Variants in CDH6 observed in about 807,000 individuals in gnomAD.
CDH6 encodes cadherin-6.
In CDH6, 31 loss-of-function variants were observed where a neutral mutation model predicts 78.0. The observed-to-expected ratio is 0.40, with a 90% CI of 0.30 to 0.54. The LOEUF is 0.54. Among genes scored for constraint, CDH6 ranks in the 20% least tolerant of loss-of-function variants. The pLI is 0.56. For synonymous variants in CDH6, 376 were observed against 368.8 expected (o/e 1.02, Z -0.23); for missense variants, 724 against 975.9 (o/e 0.74, Z 3.44).
intron 1 of CDH6, among the ~76,000 whole-genome samples, chr5:31,194,664 G>A (rs1294449060): frequency 6.6e-6 from 1 of 152,140 alleles, no homozygotes; most frequent in Non-Finnish European, 1.5e-5. Flanking sequence ...CGGCTGGCCA[G>A]GCTCAAATCT....
intron 1 of CDH6, among the ~76,000 whole-genome samples, chr5:31,257,155 T>G (rs1332864728): frequency 6.6e-6 from 1 of 152,120 alleles, no homozygotes; most frequent in Non-Finnish European, 1.5e-5. Flanking sequence ...TGTGAAGTAT[T>G]CGCATGTTTG....
intron 1 of CDH6, among the ~76,000 whole-genome samples, chr5:31,222,371 A>C (rs1323722322): frequency 2.6e-5 from 4 of 152,212 alleles, no homozygotes; most frequent in Admixed American, 1.3e-4. Context: ...AAAGTGAATT[A>C]GATATAAGTA....
At chr5:31,225,285 G>A (rs1334383038) in intron 1 of CDH6, among the ~76,000 whole-genome samples, 1 of 152,190 alleles carries the variant, frequency 6.6e-6, no homozygotes, top group African/African-American at 2.4e-5. Context: ...TCAACGCAGA[G>A]GGCTGACATC....
At chr5:31,277,601 A>G (rs942064884) in intron 2 of CDH6, among the ~76,000 whole-genome samples, 4 of 152,210 alleles carry the variant, frequency 2.6e-5, no homozygotes, top group Non-Finnish European at 5.9e-5. Context: ...GACCTTAAAT[A>G]TATTGAGCAG....
intron 1 of CDH6, among the ~76,000 whole-genome samples, chr5:31,215,932 C>T (rs913577561): frequency 6.6e-6 from 1 of 152,050 alleles, no homozygotes; most frequent in Non-Finnish European, 1.5e-5. Context: ...CCTGTGTTTC[C>T]TGATAATGAC....
chr5:31,312,388 G>C (rs758371308), intron 7 of CDH6, among the ~76,000 whole-genome samples: 1 of 152,176 alleles, frequency 6.6e-6, no homozygotes, highest in Non-Finnish European at 1.5e-5. Context: ...GATTTAGATT[G>C]TGGCATTCCC....
chr5:31,228,197 T>C (rs931615433), intron 1 of CDH6, among the ~76,000 whole-genome samples: 1 of 152,194 alleles, frequency 6.6e-6, no homozygotes, highest in Admixed American at 6.5e-5. Flanking sequence ...CCTCCCTCTT[T>C]TAAGGTCTAA....
intron 2 of CDH6, among the ~76,000 whole-genome samples, chr5:31,291,715 C>T (rs1370898866): frequency 6.6e-6 from 1 of 152,190 alleles, no homozygotes; most frequent in Non-Finnish European, 1.5e-5. Context: ...TTTTAAGAGC[C>T]TCTTCAGTCA....
At chr5:31,214,726 T>G (rs1412549790) in intron 1 of CDH6, among the ~76,000 whole-genome samples, 1 of 152,206 alleles carries the variant, frequency 6.6e-6, no homozygotes. Flanking sequence ...GATAAAGTTT[T>G]GGAACCTCAT....
chr5:31,268,758 C>T (rs1227576769), intron 2 of CDH6, among the ~76,000 whole-genome samples: 1 of 152,178 alleles, frequency 6.6e-6, no homozygotes, highest in Non-Finnish European at 1.5e-5. Flanking sequence ...TGCATGTTCA[C>T]ACTTCAATCT....
intron 1 of CDH6, among the ~76,000 whole-genome samples, chr5:31,204,949 C>T (rs572254124): frequency 6.6e-6 from 1 of 152,276 alleles, no homozygotes; most frequent in East Asian, 1.9e-4. Flanking sequence ...TGATATTCAG[C>T]CAAGACTTTT....
intron 1 of CDH6, among the ~76,000 whole-genome samples, chr5:31,238,350 T>C (rs1399996049): frequency 6.6e-6 from 1 of 152,164 alleles, no homozygotes; most frequent in African/African-American, 2.4e-5. Context: ...AAAGTATATT[T>C]TACTATTTCA....
In CDH6 at chr5:31,294,943, C is replaced by T. The variant is rs899869551; in HGVS notation, c.523+687C>T. Among the ~76,000 whole-genome samples, 1 of 152,112 alleles carries T rather than the reference C, an allele frequency of 6.6e-6. No homozygotes were observed. Among genetic ancestry groups the T allele is most frequent in the African/African-American group, 2.4e-5 (1 of 41,416 alleles). On this transcript the variant is annotated intron_variant, in intron 3 of 11. Coordinates refer to ENST00000265071, the MANE Select transcript of CDH6 (RefSeq NM_004932.4). This position sits in a 1 kb window ranked among gnomAD's most constrained non-coding sequence, Gnocchi z 4.1. ...AGAATTCTACTGACATCACTCTTAG[C>T]CACATTGAAATACTTCATGGGAGAC...
intron 1 of CDH6, among the ~76,000 whole-genome samples, chr5:31,239,377 G>C (rs1311050769): frequency 6.6e-6 from 1 of 152,190 alleles, no homozygotes; most frequent in East Asian, 1.9e-4. Context: ...ATAATGAAAA[G>C]TGGTTTAGTT....
intron 1 of CDH6, among the ~76,000 whole-genome samples, chr5:31,230,985 A>ATT (rs1393434204): frequency 6.6e-6 from 1 of 152,188 alleles, no homozygotes; most frequent in Middle Eastern, 3.2e-3. Context: ...AGGAAACACA[A>ATT]TATGCTCTTT....
At chr5:31,287,136 G>A (rs1177827756) in intron 2 of CDH6, among the ~76,000 whole-genome samples, 2 of 152,226 alleles carry the variant, frequency 1.3e-5, no homozygotes, top group East Asian at 1.9e-4. Context: ...AGGCACTGAT[G>A]GTACAGAGAT....
intron 1 of CDH6, among the ~76,000 whole-genome samples, chr5:31,236,979 T>C (rs192960665): frequency 3.9e-5 from 6 of 152,256 alleles, no homozygotes; most frequent in Admixed American, 3.3e-4. Context: ...AAAATTCACA[T>C]AGATTTGTAC....
chr5:31,214,141 A>AAAG (rs893792592), intron 1 of CDH6, among the ~76,000 whole-genome samples: 4 of 28,402 alleles, frequency 1.4e-4, no homozygotes, highest in Non-Finnish European at 2.5e-4. Context: ...TCTGTGCCTT[A>AAAG]AAAAAAAAAA....
At chr5:31,251,682 C>A (rs1741912397) in intron 1 of CDH6, 1 of 152,182 alleles carries the variant, frequency 6.6e-6, no homozygotes, top group African/African-American at 2.4e-5. Flanking sequence ...AGTTTTCCCT[C>A]TGAACATTGA....
Sources: gnomAD v4.1 joint callset for allele counts (sites outside exome capture counted in the v4.1 genomes callset) on GRCh38, gnomAD v4.1.1 for gene constraint, Gnocchi (gnomAD v3.1) non-coding constraint, MANE v1.5 for transcripts, NCBI Gene and HGNC (gene_info 2026-07-23, HGNC 2026-07-21) for gene names.